Variants in FYB2 observed in about 807,000 individuals in gnomAD.
FYB2 encodes FYN-binding protein 2.
In FYB2, 103 loss-of-function variants were observed where a neutral mutation model predicts 94.1. The ratio of observed to expected loss-of-function variants is 1.09; its 90% confidence interval spans 0.93 to 1.29. The LOEUF (loss-of-function observed/expected upper bound fraction) is 1.29, where lower values mean the gene tolerates loss of function less well. Among genes scored for constraint, FYB2 ranks in the 50% most tolerant of loss-of-function variants. FYB2 has a pLI of 0.00. For synonymous variants in FYB2, 293 were observed against 287.9 expected (o/e 1.02, Z -0.18); for missense variants, 896 against 841.5 (o/e 1.06, Z -0.80).
intron 4 of FYB2, among the ~76,000 whole-genome samples, chr1:56,782,626 A>G (rs1384541319): frequency 6.6e-6 from 1 of 152,186 alleles, no homozygotes; most frequent in Non-Finnish European, 1.5e-5. Flanking sequence ...GATTCAAAAT[A>G]AGCTTATCAG....
chr1:56,770,787 A>G (rs1645735134), intron 4 of FYB2, among the ~76,000 whole-genome samples: 1 of 152,192 alleles, frequency 6.6e-6, no homozygotes, highest in South Asian at 2.1e-4. Flanking sequence ...GAACTTTGGC[A>G]ATAAGAAAAA....
intron 9 of FYB2, among the ~76,000 whole-genome samples, chr1:56,748,618 C>T (rs913944176): frequency 6.6e-6 from 1 of 151,868 alleles, no homozygotes; most frequent in Non-Finnish European, 1.5e-5. Context: ...TATCCTAGCT[C>T]TTCTAATTCT....
intron 15 of FYB2, among the ~76,000 whole-genome samples, chr1:56,732,254 A>C (rs857128): frequency 0.29 from 44,739 of 152,066 alleles, 7,001 homozygotes; most frequent in African/African-American, 0.4. Context: ...ACAAAAATAC[A>C]TAGGAATAAA....
At position 56,801,328 on chromosome 1, in the gene FYB2, C is replaced by A. The variant is rs1646514087; in HGVS notation, c.10-8525G>T. On this transcript the variant is annotated intron_variant, in intron 1 of 19. Transcript: ENST00000343433. ...AATTATTTTTTCTTCCTCAATAAGA[C>A]CAACTCCTGCAAAGGGCATATCAAA... Among the ~76,000 whole-genome samples the A allele has an allele frequency of 3.3e-5, 5 of 152,110 alleles. No homozygotes were observed. The South Asian group carries it at 1.0e-3, about 32-fold the overall frequency.
rs1163154882 is a variant in FYB2 at position 56,758,752 on chromosome 1, T to C, written c.1064-2A>G. ...CTTCAATTCCAACTTCATAAGTTGC[T>C]AAAGTAAACATAAAAAAATTATTTC... On this transcript the variant is annotated splice_acceptor_variant, in intron 5 of 19. Coordinates refer to ENST00000343433, the MANE Select transcript of FYB2 (RefSeq NM_001004303.5). LOFTEE classifies it high-confidence loss of function. 6.3e-7 allele frequency: 1 copy of C among 1,595,920 alleles called. No homozygotes were observed. Among genetic ancestry groups the C allele is most frequent in the Admixed American group, 1.7e-5 (1 of 58,356 alleles).
rs562872675 is a variant in FYB2, at chr1:56,722,070, C to A, written c.1974+1518G>T. Among the ~76,000 whole-genome samples, 47 of 152,152 alleles carry A rather than the reference C, an allele frequency of 3.1e-4. No individual in the cohort carries two copies. The South Asian group carries it at 5.2e-3, about 17-fold the overall frequency. ...CACACATGAAACAATAAAAAACACA[C>A]AGAGGTGGAAAAAAGGATTGGATGG... On this transcript the variant is annotated intron_variant, in intron 17 of 19. Coordinates refer to ENST00000343433, the MANE Select transcript of FYB2 (RefSeq NM_001004303.5).
intron 4 of FYB2, among the ~76,000 whole-genome samples, chr1:56,776,397 T>C (rs562448900): frequency 6.6e-6 from 1 of 152,280 alleles, no homozygotes; most frequent in African/African-American, 2.4e-5. Flanking sequence ...GTGGAACCAG[T>C]GGATCAGGGT....
intron 5 of FYB2, among the ~76,000 whole-genome samples, chr1:56,765,948 G>C (rs1248084899): frequency 6.6e-6 from 1 of 152,170 alleles, no homozygotes; most frequent in Non-Finnish European, 1.5e-5. Flanking sequence ...TGAGCTACTT[G>C]CAGGGGGGTG....
rs1164539068 is a variant in FYB2 at position 56,819,390 on chromosome 1, G to A, written c.-100C>T. The A allele has an allele frequency of 6.6e-7, 1 of 1,518,558 alleles. No individual in the cohort carries two copies. Among genetic ancestry groups the A allele is most frequent in the Non-Finnish European group, 9.1e-7 (1 of 1,100,404 alleles). The allele number at this position is 1,518,558 out of a possible 1,614,324, so 94.1% of individuals were successfully genotyped here. ...TTCCTCTGTCTCTGCTAGCCAGGGA[G>A]CAATCACTTCCCACAGGACACACCT... On this transcript the variant is annotated 5_prime_UTR_variant, in exon 1 of 20. Coordinates refer to ENST00000343433, the MANE Select transcript of FYB2 (RefSeq NM_001004303.5).
intron 1 of FYB2, among the ~76,000 whole-genome samples, chr1:56,803,932 C>A (rs568192777): frequency 1.3e-5 from 2 of 152,312 alleles, no homozygotes; most frequent in East Asian, 1.9e-4. Context: ...CTCCTCAGAC[C>A]TCTTCTGGCA....
chr1:56,794,507 G>A (rs1646349424), intron 1 of FYB2, among the ~76,000 whole-genome samples: 1 of 152,190 alleles, frequency 6.6e-6, no homozygotes, highest in Admixed American at 6.5e-5. Context: ...CTTAGGAAAT[G>A]TTGGGCGACC....
chr1:56,794,706 A>C (rs1007066473), intron 1 of FYB2, among the ~76,000 whole-genome samples: 3 of 152,162 alleles, frequency 2.0e-5, no homozygotes, highest in Middle Eastern at 3.4e-3. Context: ...ACGCACACAC[A>C]TAGCCAGCAG....
chr1:56,769,702 AT>A (rs1645709801), intron 4 of FYB2, among the ~76,000 whole-genome samples: 1 of 152,148 alleles, frequency 6.6e-6, no homozygotes, highest in Admixed American at 6.5e-5. Flanking sequence ...GAAATAGAAT[AT>A]TTAACTTCTA....
At chr1:56,739,328 T>C (rs1384771866) in intron 13 of FYB2, among the ~76,000 whole-genome samples, 2 of 152,090 alleles carry the variant, frequency 1.3e-5, no homozygotes, top group East Asian at 3.9e-4. Flanking sequence ...GGCCAGGGTC[T>C]GCCTTTGTGC....
In FYB2 at chr1:56,787,210, T is replaced by C. The variant is rs1285155479; in HGVS notation, c.920-2A>G. 3.7e-6 allele frequency: 6 copies of C among 1,613,914 alleles called. No individual in the cohort carries two copies. The highest frequency in any genetic ancestry group is 2.7e-5 in the African/African-American group (2 of 75,024). ...ACAGGGAGCCCTCTTCCACAGTCAC[T>C]GCAAGAGAAAGAGGCGGAATGAAAA... On this transcript the variant is annotated splice_acceptor_variant, in intron 3 of 19. Transcript: ENST00000343433. LOFTEE classifies it high-confidence loss of function.
Position 56,747,659 on chromosome 1 carries a change from G to T in FYB2, c.1387+3385C>A, listed in dbSNP as rs532284258. Among the ~76,000 whole-genome samples, 11 of 151,536 alleles carry T rather than the reference G, an allele frequency of 7.3e-5. No individual in the cohort carries two copies. In the South Asian group the frequency reaches 2.3e-3, roughly 31 times the overall value. On this transcript the variant is annotated intron_variant, in intron 9 of 19. Coordinates refer to ENST00000343433, the MANE Select transcript of FYB2 (RefSeq NM_001004303.5). ...CATTTTCTTTATCCAGTCTATCATT[G>T]ATGGATTGTTTCCAAGTCTTTGCTA... is the stretch of plus-strand genomic sequence containing the variant.
At chr1:56,771,056 A>C (rs746592592) in intron 4 of FYB2, among the ~76,000 whole-genome samples, 5 of 152,190 alleles carry the variant, frequency 3.3e-5, no homozygotes, top group African/African-American at 4.8e-5. Flanking sequence ...TTTGGAGAAT[A>C]ATTTTTCAAT....
chr1:56,737,849 G>C (rs2100584434), intron 14 of FYB2, among the ~76,000 whole-genome samples: 1 of 152,052 alleles, frequency 6.6e-6, no homozygotes, highest in East Asian at 1.9e-4. Context: ...CCTATTCTAG[G>C]TCAGCTTTTT....
chr1:56,772,637 A>G (rs571201405), intron 4 of FYB2, among the ~76,000 whole-genome samples: 2 of 152,308 alleles, frequency 1.3e-5, no homozygotes, highest in East Asian at 3.9e-4. Context: ...ACAGAATATG[A>G]GACAGACCTG....
Sources: allele counts gnomAD v4.1 joint callset (sites outside exome capture counted in the v4.1 genomes callset), GRCh38; gene constraint gnomAD v4.1.1; transcripts MANE v1.5; gene names NCBI Gene and HGNC (gene_info 2026-07-23, HGNC 2026-07-21).